The following MYO3B variants were observed in gnomAD, a reference collection of about 807,000 sequenced individuals.
MYO3B encodes the protein myosin-IIIb.
Under a neutral mutation model 174.6 loss-of-function variants are expected in MYO3B, and 156 were observed. The observed-to-expected ratio is 0.89, with a 90% CI of 0.78 to 1.02. The LOEUF is 1.02. Ranked by LOEUF, MYO3B falls within the 50% of genes least tolerant of loss-of-function variation. The probability of loss-of-function intolerance (pLI) is 0.00; values close to 1 mark genes in which losing one functional copy is unlikely to be tolerated. For missense variants in MYO3B, 1,632 were observed against 1,639.4 expected, an observed-to-expected ratio of 1.00 and a Z score of 0.08; for synonymous variants, 563 against 569.1, an observed-to-expected ratio of 0.99 and a Z score of 0.15.
chr2:170,631,176 T>C (rs1696941449), intron 32 of MYO3B, among the ~76,000 whole-genome samples: 1 of 152,024 alleles, frequency 6.6e-6, no homozygotes. Flanking sequence ...AATGGCTAAC[T>C]AGAATAACCA....
At chr2:170,218,155 G>A (rs900437813) in intron 6 of MYO3B, among the ~76,000 whole-genome samples, 4 of 152,120 alleles carry the variant, frequency 2.6e-5, no homozygotes, top group Non-Finnish European at 5.9e-5. Flanking sequence ...GACTGCCAAA[G>A]TGGTCTCCTA....
At chr2:170,546,021 A>C (rs777276847) in intron 32 of MYO3B, among the ~76,000 whole-genome samples, 1 of 151,900 alleles carries the variant, frequency 6.6e-6, no homozygotes, top group Non-Finnish European at 1.5e-5. Flanking sequence ...TCTCTTTTTC[A>C]TTCTGTGCTT....
intron 3 of MYO3B, among the ~76,000 whole-genome samples, chr2:170,208,689 A>C (rs2092740063): frequency 6.6e-6 from 1 of 152,214 alleles, no homozygotes; most frequent in African/African-American, 2.4e-5. Flanking sequence ...ATGTATGGTA[A>C]GTTTTAAAAC....
chr2:170,261,666 T>C (rs991918923), intron 7 of MYO3B, among the ~76,000 whole-genome samples: 4 of 152,202 alleles, frequency 2.6e-5, no homozygotes, highest in Admixed American at 2.0e-4. Context: ...GTGTACACAG[T>C]ATAAAAAGTT....
At chr2:170,283,685 C>A (rs2093531455) in intron 7 of MYO3B, among the ~76,000 whole-genome samples, 1 of 152,160 alleles carries the variant, frequency 6.6e-6, no homozygotes, top group South Asian at 2.1e-4. Context: ...ATAATTGTCT[C>A]TTCCTAGATT....
intron 17 of MYO3B, 77 bp from the exon 18 acceptor site, chr2:170,401,404 A>T: frequency 2.3e-6 from 3 of 1,332,530 alleles, no homozygotes; most frequent in Non-Finnish European, 3.2e-6. Context: ...CACATAGTAG[A>T]TGTTGAATAA....
intron 26 of MYO3B, 116 bp from the exon 27 acceptor site, chr2:170,499,530 C>T (rs1007389997): frequency 1.9e-5 from 18 of 952,570 alleles, no homozygotes; most frequent in African/African-American, 1.5e-4. Flanking sequence ...TAAGTCACAT[C>T]GCTATAAACT....
intron 32 of MYO3B, among the ~76,000 whole-genome samples, chr2:170,563,031 T>TACACACACACACACACAC (rs56861648): frequency 1.4e-5 from 2 of 138,566 alleles, no homozygotes; most frequent in Admixed American, 7.2e-5. Flanking sequence ...AAAACATGCA[T>TACACACACACACACACAC]ACACACACAC....
At position 170,474,676 on chromosome 2, in the gene MYO3B, G is replaced by C. The variant is rs541161164; in HGVS notation, c.3014+7965G>C. On this transcript the variant is annotated intron_variant, in intron 25 of 34. Coordinates refer to ENST00000408978, the MANE Select transcript of MYO3B (RefSeq NM_138995.5). ...GAGAATCACTTGAACCTGGGAGGTG[G>C]AGATTGCGGTGAGCCGAGATCACCC... Among the ~76,000 whole-genome samples the C allele has an allele frequency of 9.1e-5, 13 of 143,188 alleles. No individual in the cohort carries two copies. The South Asian group carries it at 2.5e-3, about 28-fold the overall frequency. The allele number at this position is 143,188 out of a possible 152,430, so 93.9% of individuals were successfully genotyped here.
rs146305196 is a variant in MYO3B, at chr2:170,448,639, A to G, written c.2730+4593A>G. 4.3e-3 allele frequency among the ~76,000 whole-genome samples: 653 copies of G among 152,358 alleles called. 4 individuals carry two copies. Among genetic ancestry groups the G allele is most frequent in the African/African-American group, 0.015 (638 of 41,584 alleles). ...CAACATACTATATGGTAAATAATGC[A>G]TTCTGGGATAAGCAGTGCAATTCCA... On this transcript the variant is annotated intron_variant, in intron 23 of 34. Transcript: ENST00000408978.
At chr2:170,479,049 C>T (rs759210395) in intron 25 of MYO3B, among the ~76,000 whole-genome samples, 3 of 149,874 alleles carry the variant, frequency 2.0e-5, no homozygotes, top group South Asian at 2.1e-4. Flanking sequence ...TTTGGGAGGC[C>T]GAGGCGGGTG....
intron 30 of MYO3B, among the ~76,000 whole-genome samples, chr2:170,531,868 GA>G (rs1338748525): frequency 2.0e-5 from 3 of 152,164 alleles, no homozygotes; most frequent in Non-Finnish European, 4.4e-5. Flanking sequence ...ATGAAATTAA[GA>G]AAACAGAAAA....
intron 9 of MYO3B, among the ~76,000 whole-genome samples, chr2:170,379,729 C>A (rs1289590967): frequency 6.7e-6 from 1 of 149,858 alleles, no homozygotes; most frequent in Non-Finnish European, 1.5e-5. Flanking sequence ...TTTTAAACTG[C>A]TTAGGTTATA....
Position 170,401,532 on chromosome 2 carries a change from C to G in MYO3B, c.1970C>G (p.Ser657Cys). The stretch of plus-strand genomic sequence containing the variant: ...GAAGAGCTCCAGGAGGCCCTCACCT[C>G]CCACTGTGTGGTCACCCGGGGCGAG... ...SPEELQEALT[S>C]HCVVTRGETI... Residue 657 changes from serine (S) to cysteine (C), a missense_variant, in exon 18 of 35, where the codon TCC becomes TGC. Transcript: ENST00000408978. 2.5e-6 allele frequency: 4 copies of G among 1,614,198 alleles called. No homozygotes were observed. Among genetic ancestry groups the G allele is most frequent in the Non-Finnish European group, 3.4e-6 (4 of 1,180,032 alleles).
At chr2:170,383,575 C>G in intron 11 of MYO3B, 135 bp from the exon 12 acceptor site, 1 of 670,998 alleles carries the variant, frequency 1.5e-6, no homozygotes, top group Non-Finnish European at 2.6e-6. Context: ...CCTGCAGGCT[C>G]CAGAACCTAT....
chr2:170,210,011 C>T (rs2092754579), intron 3 of MYO3B, among the ~76,000 whole-genome samples: 1 of 152,072 alleles, frequency 6.6e-6, no homozygotes, highest in South Asian at 2.1e-4. Flanking sequence ...TTTTGGGAAG[C>T]CTATTAAATA....
At chr2:170,587,490 A>T (rs999731137) in intron 32 of MYO3B, among the ~76,000 whole-genome samples, 3 of 152,234 alleles carry the variant, frequency 2.0e-5, no homozygotes, top group African/African-American at 4.8e-5. Context: ...AGTGATGGTT[A>T]TTGCTCACCA....
intron 20 of MYO3B, 41 bp from the exon 21 acceptor site, chr2:170,405,504 A>G (rs1415908711): frequency 6.3e-7 from 1 of 1,598,574 alleles, no homozygotes; most frequent in Non-Finnish European, 8.6e-7. Context: ...GAAAGAGGAA[A>G]TAATTCACAT....
At chr2:170,563,909 T>C (rs1691899776) in intron 32 of MYO3B, among the ~76,000 whole-genome samples, 1 of 152,194 alleles carries the variant, frequency 6.6e-6, no homozygotes, top group Non-Finnish European at 1.5e-5. Flanking sequence ...GAAGCATAGT[T>C]CAGTTGATTA....
Sources: allele counts gnomAD v4.1 joint callset (sites outside exome capture counted in the v4.1 genomes callset), GRCh38; gene constraint gnomAD v4.1.1; transcripts MANE v1.5; gene names NCBI Gene and HGNC (gene_info 2026-07-23, HGNC 2026-07-21).